Variants in MOSMO observed in about 807,000 individuals in gnomAD.
MOSMO encodes the protein modulator of smoothened protein.
A neutral mutation model predicts 18.4 loss-of-function variants in MOSMO; 5 were observed. The ratio of observed to expected loss-of-function variants is 0.27; its 90% CI spans 0.14 to 0.57. The LOEUF is 0.57. Ranked by LOEUF, MOSMO falls within the 20% of genes least tolerant of loss-of-function variation. The pLI, the probability that MOSMO is intolerant of heterozygous loss-of-function variation, is 0.92. For missense variants in MOSMO, 138 were observed against 211.8 expected, an observed-to-expected ratio of 0.65 and a Z score of 2.16; for synonymous variants, 82 against 82.3, an observed-to-expected ratio of 1.00 and a Z score of 0.02.
At position 22,084,432 on chromosome 16, in the gene MOSMO, T is replaced by C. The variant is rs1406397973; in HGVS notation, c.*3552T>C. The C allele has an allele frequency of 6.6e-6, 1 of 152,186 alleles. No homozygotes were observed. Among genetic ancestry groups the C allele is most frequent in the Non-Finnish European group, 1.5e-5 (1 of 68,020 alleles). 9.4% of individuals were successfully genotyped at this position (152,186 alleles called of 1,614,324 possible). ...GGTAGGATTCCCTACACAGGACTTT[T>C]AGTTGTATCACCTCAAGAGATTTTG... On this transcript the variant is annotated 3_prime_UTR_variant, in exon 3 of 3. Transcript: ENST00000542527.
intron 1 of MOSMO, among the ~76,000 whole-genome samples, chr16:22,029,032 C>T (rs1184269151): frequency 1.3e-5 from 2 of 152,042 alleles, no homozygotes; most frequent in Non-Finnish European, 2.9e-5. Context: ...CCACCATGCC[C>T]GGCTAATTTT....
At chr16:22,027,452 C>G (rs1047186265) in intron 1 of MOSMO, among the ~76,000 whole-genome samples, 1 of 152,162 alleles carries the variant, frequency 6.6e-6, no homozygotes, top group Non-Finnish European at 1.5e-5. Flanking sequence ...TAGCTGGTAC[C>G]TTGTCATTTA....
chr16:22,083,341 C>T lies in MOSMO; in HGVS notation c.*2461C>T. The T allele has an allele frequency of 6.2e-6, 1 of 160,340 alleles. No homozygotes were observed. Among genetic ancestry groups the T allele is most frequent in the Non-Finnish European group, 1.4e-5 (1 of 73,658 alleles). 9.9% of individuals were successfully genotyped at this position (160,340 alleles called of 1,614,324 possible). On this transcript the variant is annotated 3_prime_UTR_variant, in exon 3 of 3. Coordinates refer to ENST00000542527, the MANE Select transcript of MOSMO (RefSeq NM_001164579.2). ...TTAATTTCATTGTTGTCTTGGAGGT[C>T]CAGTGCATACAGGGCTGATGGGGGA...
chr16:22,039,524 A>G (rs1900170803), intron 1 of MOSMO, among the ~76,000 whole-genome samples: 1 of 152,190 alleles, frequency 6.6e-6, no homozygotes, highest in Non-Finnish European at 1.5e-5. Context: ...TCTTATCATT[A>G]GTAGGGTATC....
chr16:22,026,171 G>GTAT (rs1389092351), intron 1 of MOSMO, among the ~76,000 whole-genome samples: 2 of 149,500 alleles, frequency 1.3e-5, no homozygotes, highest in Non-Finnish European at 3.0e-5. Flanking sequence ...TTTATGGTCT[G>GTAT]TATGATAACT....
intron 1 of MOSMO, among the ~76,000 whole-genome samples, chr16:22,055,354 T>C (rs546271122): frequency 3.1e-4 from 47 of 152,284 alleles, no homozygotes; most frequent in African/African-American, 1.1e-3. Context: ...CACCACTGTT[T>C]CCTCTAGGTT....
intron 1 of MOSMO, among the ~76,000 whole-genome samples, chr16:22,065,502 G>A (rs1256280624): frequency 1.3e-5 from 2 of 152,008 alleles, no homozygotes; most frequent in Non-Finnish European, 2.9e-5. Flanking sequence ...GGGAAGTAAT[G>A]TCCTGACTAC....
At chr16:22,033,289 G>A (rs58953371) in intron 1 of MOSMO, among the ~76,000 whole-genome samples, 9,207 of 152,190 alleles carry the variant, frequency 0.06, 882 homozygotes, top group African/African-American at 0.21. Flanking sequence ...TGGAAGTATC[G>A]TCTAAGTCTT....
intron 1 of MOSMO, among the ~76,000 whole-genome samples, chr16:22,027,381 A>T (rs1899897169): frequency 6.6e-6 from 1 of 152,230 alleles, no homozygotes; most frequent in Admixed American, 6.5e-5. Flanking sequence ...ATATTCCTAC[A>T]TAGTAAACTT....
intron 1 of MOSMO, among the ~76,000 whole-genome samples, chr16:22,065,335 A>G (rs1900728991): frequency 6.6e-6 from 1 of 152,164 alleles, no homozygotes; most frequent in African/African-American, 2.4e-5. Context: ...TATAACAAAC[A>G]TTTTGTTATT....
chr16:22,062,385 T>C (rs770119295), intron 1 of MOSMO, among the ~76,000 whole-genome samples: 1 of 152,172 alleles, frequency 6.6e-6, no homozygotes, highest in Non-Finnish European at 1.5e-5. Flanking sequence ...TACAGTAACA[T>C]GTTCATAGCT....
At chr16:22,037,281 A>G (rs1453205058) in intron 1 of MOSMO, among the ~76,000 whole-genome samples, 1 of 152,132 alleles carries the variant, frequency 6.6e-6, no homozygotes, top group Non-Finnish European at 1.5e-5. Flanking sequence ...TAAAAAGGAA[A>G]ACGAAACAAA....
Position 22,084,631 on chromosome 16 carries a change from A to G in MOSMO, c.*3751A>G, listed in dbSNP as rs1056042490. ...TTATTGAGCAAGTTTATCAAAATAA[A>G]TTGTCTACTAAAGAAACTAAAAAGG... is the stretch of plus-strand genomic sequence containing the variant. On this transcript the variant is annotated 3_prime_UTR_variant, in exon 3 of 3. Coordinates refer to ENST00000542527, the MANE Select transcript of MOSMO (RefSeq NM_001164579.2). The G allele has an allele frequency of 2.0e-5, 3 of 152,202 alleles. No homozygotes were observed. Among genetic ancestry groups the G allele is most frequent in the Non-Finnish European group, 2.9e-5 (2 of 68,032 alleles). The allele number at this position is 152,202 out of a possible 1,614,324, so 9.4% of individuals were successfully genotyped here.
chr16:22,044,060 T>C (rs911580719), intron 1 of MOSMO, among the ~76,000 whole-genome samples: 4 of 152,084 alleles, frequency 2.6e-5, no homozygotes, highest in African/African-American at 9.7e-5. Context: ...ATGAGACTTA[T>C]TCACTACCAT....
intron 1 of MOSMO, among the ~76,000 whole-genome samples, chr16:22,035,358 G>A (rs1361016024): frequency 6.6e-6 from 1 of 150,592 alleles, no homozygotes. Flanking sequence ...ATTTCAAAAT[G>A]ACTTATTTCC....
Position 22,019,478 on chromosome 16 carries a change from G to A in MOSMO, c.106+11071G>A, listed in dbSNP as rs139732231. Reference sequence around the variant, plus strand: ...GGTAACACTTTGCACATTTTTTATGGTAGCATATCTGTGTCATGGTTATTT... The same window carrying A: ...GGTAACACTTTGCACATTTTTTATGATAGCATATCTGTGTCATGGTTATTT... On this transcript the variant is annotated intron_variant, in intron 1 of 2. Transcript: ENST00000542527. Among the ~76,000 whole-genome samples the A allele has an allele frequency of 1.9e-3, 283 of 152,194 alleles. 2 individuals carry two copies. The highest frequency in any genetic ancestry group is 6.5e-3 in the African/African-American group (270 of 41,522).
At chr16:22,074,991 AATTTT>A (rs1441850470) in intron 1 of MOSMO, among the ~76,000 whole-genome samples, 1 of 152,138 alleles carries the variant, frequency 6.6e-6, no homozygotes, top group African/African-American at 2.4e-5. Flanking sequence ...TCTATTATTT[AATTTT>A]ATTTCTATAT....
chr16:22,017,980 G>A (rs1899675488), intron 1 of MOSMO, among the ~76,000 whole-genome samples: 1 of 152,002 alleles, frequency 6.6e-6, no homozygotes, highest in South Asian at 2.1e-4. Flanking sequence ...CTTAAGGGAA[G>A]TTTCAGTGTG....
intron 1 of MOSMO, among the ~76,000 whole-genome samples, chr16:22,031,038 A>G (rs993207418): frequency 2.6e-5 from 4 of 152,202 alleles, no homozygotes; most frequent in Admixed American, 6.5e-5. Flanking sequence ...ATAGTAGTTA[A>G]GTGCATATTG....
Sources: allele counts gnomAD v4.1 joint callset (sites outside exome capture counted in the v4.1 genomes callset), GRCh38; gene constraint gnomAD v4.1.1; transcripts MANE v1.5; gene names NCBI Gene and HGNC (gene_info 2026-07-23, HGNC 2026-07-21).